The following DOCK7 variants were observed in gnomAD, a reference collection of about 807,000 sequenced individuals.
DOCK7 encodes dedicator of cytokinesis 7.
DOCK7 carries 138 observed loss-of-function variants against 271.0 expected under a neutral mutation model. That is an observed-to-expected ratio of 0.51 (90% CI 0.44 to 0.59). DOCK7 has a LOEUF of 0.59. DOCK7 is among the 20% of genes least tolerant of loss of function. DOCK7 has a pLI of 0.00. For synonymous variants in DOCK7, 823 were observed against 876.1 expected, an observed-to-expected ratio of 0.94 and a Z score of 1.07; for missense variants, 2,066 against 2,592.4, an observed-to-expected ratio of 0.80 and a Z score of 4.41.
intron 7 of DOCK7, among the ~76,000 whole-genome samples, chr1:62,640,206 TA>T (rs1655825198): frequency 6.6e-6 from 1 of 152,122 alleles, no homozygotes. Context: ...GCTTATTTGT[TA>T]GGTCTTTTGA....
chr1:62,639,181 G>C (rs897428606), intron 7 of DOCK7, among the ~76,000 whole-genome samples: 3 of 151,968 alleles, frequency 2.0e-5, no homozygotes, highest in African/African-American at 7.3e-5. Flanking sequence ...CTTCAAAACT[G>C]TCCTGCCTCT....
rs189895638 is a variant in DOCK7, at chr1:62,684,483, A to T, written c.38+3744T>A. Reference sequence around the variant, plus strand: ...TAACTTTATTGAGGCTGTTATCCCCATTTTTCTGTGGTATATGCAGAATTT... The same window carrying T: ...TAACTTTATTGAGGCTGTTATCCCCTTTTTTCTGTGGTATATGCAGAATTT... On this transcript the variant is annotated intron_variant, in intron 1 of 49. Coordinates refer to ENST00000635253, the MANE Select transcript of DOCK7 (RefSeq NM_001367561.1). Among the ~76,000 whole-genome samples the T allele has an allele frequency of 4.5e-4, 68 of 152,136 alleles. 2 individuals carry two copies. The East Asian group carries it at 0.01, about 22-fold the overall frequency.
chr1:62,483,645 T>C (rs891141879), intron 43 of DOCK7: 3 of 151,316 alleles, frequency 2.0e-5, no homozygotes, highest in Admixed American at 1.3e-4. Context: ...CATAGTAGCA[T>C]GGTCTCAGCG....
At chr1:62,524,375 C>T (rs1266901593) in intron 31 of DOCK7, among the ~76,000 whole-genome samples, 1 of 152,028 alleles carries the variant, frequency 6.6e-6, no homozygotes, top group East Asian at 1.9e-4. Context: ...CTAGAAAATA[C>T]TCTAAATAAA....
At chr1:62,594,302 C>T (rs1002866528) in intron 14 of DOCK7, among the ~76,000 whole-genome samples, 4 of 152,010 alleles carry the variant, frequency 2.6e-5, no homozygotes, top group Non-Finnish European at 2.9e-5. Context: ...CGTTGAAATG[C>T]TTCTGCAGTT....
At position 62,475,950 on chromosome 1, in the gene DOCK7, A is replaced by G. The variant is rs1645958589; in HGVS notation, c.5725-7T>C. ...AGGTAATCTGAATATATGCCTAGGA[A>G]AGAAAAAAGTCCTTCATTTCCTCAC... On this transcript the variant is annotated splice_region_variant and splice_polypyrimidine_tract_variant and intron_variant, in intron 45 of 49. Coordinates refer to ENST00000635253, the MANE Select transcript of DOCK7 (RefSeq NM_001367561.1). 1.2e-6 allele frequency: 2 copies of G among 1,612,090 alleles called. No individual in the cohort carries two copies. The highest frequency in any genetic ancestry group is 1.7e-5 in the Admixed American group (1 of 59,952).
Position 62,477,817 on chromosome 1 carries a change from A to G in DOCK7, c.5517T>C (p.Phe1839=). The G allele has an allele frequency of 1.2e-6, 2 of 1,607,466 alleles. No homozygotes were observed. Among genetic ancestry groups the G allele is most frequent in the East Asian group, 2.2e-5 (1 of 44,628 alleles). ...VHQSTGWERM[F]GTYFRVGFYG... ...AAAAACCAACACGAAAATAGGTGCCAAACATCCGCTTACCATCCTAGGTTT... is the reference window on the plus strand; with the variant it reads ...AAAAACCAACACGAAAATAGGTGCCGAACATCCGCTTACCATCCTAGGTTT... Residue 1839 remains phenylalanine, a synonymous_variant, in exon 44 of 50, where the codon TTT becomes TTC. Coordinates refer to ENST00000635253, the MANE Select transcript of DOCK7 (RefSeq NM_001367561.1).
At chr1:62,684,416 T>C (rs936685571) in intron 1 of DOCK7, among the ~76,000 whole-genome samples, 1 of 152,214 alleles carries the variant, frequency 6.6e-6, no homozygotes, top group Non-Finnish European at 1.5e-5. Context: ...TAGAACTGTA[T>C]TAGCTCACTT....
At chr1:62,614,427 A>C (rs892730665) in intron 14 of DOCK7, among the ~76,000 whole-genome samples, 1 of 152,012 alleles carries the variant, frequency 6.6e-6, no homozygotes, top group African/African-American at 2.4e-5. Flanking sequence ...ACAACTTTTA[A>C]TGATTTGGTT....
chr1:62,456,893 T>C (rs1016519246), intron 49 of DOCK7, among the ~76,000 whole-genome samples: 4 of 152,174 alleles, frequency 2.6e-5, no homozygotes, highest in South Asian at 2.1e-4. Flanking sequence ...ATTGGGAATT[T>C]TGAGAGGAAA....
chr1:62,493,798 C>T (rs2149297333), intron 40 of DOCK7, among the ~76,000 whole-genome samples: 1 of 152,276 alleles, frequency 6.6e-6, no homozygotes, highest in African/African-American at 2.4e-5. Context: ...TCTTGGTAAG[C>T]AGAGAATTCA....
chr1:62,617,653 T>C (rs1413576733), intron 14 of DOCK7, among the ~76,000 whole-genome samples: 2 of 151,994 alleles, frequency 1.3e-5, no homozygotes, highest in Non-Finnish European at 2.9e-5. Context: ...TTAACATTTA[T>C]TACATGTTGA....
Position 62,625,318 on chromosome 1 carries a change from CAT to C in DOCK7, c.1364_1365del (p.Asp455GlyfsTer3). The stretch of plus-strand genomic sequence containing the variant: ...GGTCGAAAGCTCGTCAAGTTACAAG[CAT>C]CATCTCCACTTGTTGTCCTTTCAAG... ...RSLERTTSGD[D>X]ACNLTSFRPA... On this transcript the variant is annotated frameshift_variant, in exon 12 of 50. Coordinates refer to ENST00000635253, the MANE Select transcript of DOCK7 (RefSeq NM_001367561.1). LOFTEE classifies it high-confidence loss of function. 1 of 1,613,926 alleles carries C rather than the reference CAT, an allele frequency of 6.2e-7. No individual in the cohort carries two copies. Among genetic ancestry groups the C allele is most frequent in the South Asian group, 1.1e-5 (1 of 91,062 alleles).
In DOCK7 at chr1:62,662,921, G is replaced by A. The variant is rs1334798615; in HGVS notation, c.144+104C>T. 3.7e-6 allele frequency: 3 copies of A among 820,062 alleles called. No homozygotes were observed. The African/African-American group carries it at 5.2e-5, about 14-fold the overall frequency. 50.8% of individuals were successfully genotyped at this position (820,062 alleles called of 1,614,324 possible). On this transcript the variant is annotated intron_variant, in intron 2 of 49. Coordinates refer to ENST00000635253, the MANE Select transcript of DOCK7 (RefSeq NM_001367561.1). Reference sequence around the variant, plus strand: ...AAAATGAGGTAACAAGTAAGGTTATGAGACTAATGACGGAACCCAATTAGC... The same window carrying A: ...AAAATGAGGTAACAAGTAAGGTTATAAGACTAATGACGGAACCCAATTAGC...
At chr1:62,473,185 C>T (rs1288758251) in intron 48 of DOCK7, among the ~76,000 whole-genome samples, 4 of 152,152 alleles carry the variant, frequency 2.6e-5, no homozygotes, top group South Asian at 2.1e-4. Context: ...AGCTTCCCTA[C>T]GGGAGGTAGA....
At chr1:62,576,836 A>G (rs1173331434) in intron 18 of DOCK7, among the ~76,000 whole-genome samples, 2 of 152,204 alleles carry the variant, frequency 1.3e-5, no homozygotes, top group Non-Finnish European at 2.9e-5. Context: ...TTTCATTCAC[A>G]TGATCTTCAA....
At chr1:62,603,688 T>A (rs890640677) in intron 14 of DOCK7, among the ~76,000 whole-genome samples, 2 of 151,802 alleles carry the variant, frequency 1.3e-5, no homozygotes, top group South Asian at 2.1e-4. Flanking sequence ...AAAATATCTA[T>A]AATAATGTAA....
intron 35 of DOCK7, among the ~76,000 whole-genome samples, chr1:62,506,537 C>G (rs1289763559): frequency 6.6e-6 from 1 of 151,560 alleles, no homozygotes; most frequent in South Asian, 2.1e-4. Context: ...GTGGCTTGAT[C>G]TTGGCTCACT....
intron 2 of DOCK7, among the ~76,000 whole-genome samples, chr1:62,661,948 C>G (rs1282312848): frequency 6.6e-6 from 1 of 151,990 alleles, no homozygotes; most frequent in African/African-American, 2.4e-5. Flanking sequence ...TTGAAATCAG[C>G]CAAAAATCCA....
Sources: gnomAD v4.1 joint callset for allele counts (sites outside exome capture counted in the v4.1 genomes callset) on GRCh38, gnomAD v4.1.1 for gene constraint, MANE v1.5 for transcripts, NCBI Gene and HGNC (gene_info 2026-07-23, HGNC 2026-07-21) for gene names.